ELMOD1: variants seen among roughly 807,000 people sequenced by gnomAD.
ELMOD1 encodes ELMO domain-containing protein 1.
ELMOD1 carries 21 observed loss-of-function variants against 46.7 expected under a neutral mutation model. That is an observed-to-expected ratio of 0.45 (90% CI 0.32 to 0.65). ELMOD1 has a LOEUF of 0.65. Among genes scored for constraint, ELMOD1 ranks in the 30% least tolerant of loss-of-function variants. The pLI is 0.04. For synonymous variants in ELMOD1, 122 were observed against 138.2 expected (o/e 0.88, Z 0.82); for missense variants, 348 against 407.8 (o/e 0.85, Z 1.26).
rs1183575611 is a variant in ELMOD1 at position 107,608,660 on chromosome 11, A to AT, written c.-85-9441dup. ...GTAAAGAATAATATAAAACTCATGTATTTTCGCTCCATTGTATAATTTCTT... is the reference window on the plus strand; with the variant it reads ...GTAAAGAATAATATAAAACTCATGTATTTTTCGCTCCATTGTATAATTTCTT... On this transcript the variant is annotated intron_variant, in intron 1 of 11. Transcript: ENST00000265840. Among the ~76,000 whole-genome samples, 3 of 152,142 alleles carry AT rather than the reference A, an allele frequency of 2.0e-5. No homozygotes were observed. In the East Asian group the frequency reaches 5.8e-4, roughly 29 times the overall value.
intron 2 of ELMOD1, among the ~76,000 whole-genome samples, chr11:107,628,524 A>T (rs545007886): frequency 1.3e-5 from 2 of 151,192 alleles, no homozygotes; most frequent in African/African-American, 4.8e-5. Context: ...ATTTATTTTT[A>T]GGGCTACTGG....
intron 1 of ELMOD1, chr11:107,591,838 G>T: frequency 2.1e-6 from 1 of 474,674 alleles, no homozygotes. Flanking sequence ...TGTGGGCTTC[G>T]GTCTCCAGGG....
At chr11:107,638,239 A>C (rs940263576) in intron 6 of ELMOD1, among the ~76,000 whole-genome samples, 2 of 152,204 alleles carry the variant, frequency 1.3e-5, no homozygotes, top group Non-Finnish European at 2.9e-5. Context: ...AGGAGTGGGA[A>C]TCTTTGTTCT....
At position 107,612,922 on chromosome 11, in the gene ELMOD1, G is replaced by A. The variant is rs754477825; in HGVS notation, c.-85-5183G>A. Among the ~76,000 whole-genome samples, 35 of 152,114 alleles carry A rather than the reference G, an allele frequency of 2.3e-4. 1 individual carries two copies. The highest frequency in any genetic ancestry group is 4.3e-4 in the Non-Finnish European group (29 of 68,018). The stretch of plus-strand genomic sequence containing the variant: ...CCATTTTTGGTGTTTCCTGTTTGGG[G>A]GACAGATAATGAGATCTAATTGTTA... On this transcript the variant is annotated intron_variant, in intron 1 of 11. Coordinates refer to ENST00000265840, the MANE Select transcript of ELMOD1 (RefSeq NM_018712.4).
intron 2 of ELMOD1, among the ~76,000 whole-genome samples, chr11:107,624,381 C>T (rs1323209879): frequency 2.6e-5 from 4 of 152,138 alleles, no homozygotes; most frequent in Non-Finnish European, 4.4e-5. Context: ...CCAGGCACGG[C>T]GGCTCATGCC....
intron 7 of ELMOD1, among the ~76,000 whole-genome samples, chr11:107,649,646 A>G (rs1866491426): frequency 6.6e-6 from 1 of 152,156 alleles, no homozygotes; most frequent in Admixed American, 6.5e-5. Context: ...TGGGTTTGAA[A>G]TTTCCTGAGA....
At chr11:107,601,993 C>T (rs1865608017) in intron 1 of ELMOD1, among the ~76,000 whole-genome samples, 1 of 152,172 alleles carries the variant, frequency 6.6e-6, no homozygotes, top group African/African-American at 2.4e-5. Context: ...CAATGTCTTT[C>T]TCACTCTCCA....
chr11:107,621,980 T>C (rs910303232), intron 2 of ELMOD1, among the ~76,000 whole-genome samples: 1 of 152,102 alleles, frequency 6.6e-6, no homozygotes, highest in African/African-American at 2.4e-5. Context: ...TGAGCCGAGA[T>C]CACGCCACTG....
intron 7 of ELMOD1, among the ~76,000 whole-genome samples, chr11:107,649,079 TA>T (rs776042676): frequency 2.4e-4 from 37 of 152,210 alleles, no homozygotes; most frequent in Non-Finnish European, 4.6e-4. Context: ...CCCATTCTTT[TA>T]TGAAACATTT....
intron 6 of ELMOD1, among the ~76,000 whole-genome samples, chr11:107,637,036 G>T (rs1052426261): frequency 6.6e-6 from 1 of 152,234 alleles, no homozygotes; most frequent in Non-Finnish European, 1.5e-5. Context: ...ACCATCTTTA[G>T]CTGATCCATT....
At chr11:107,654,884 C>T (rs886496817) in intron 10 of ELMOD1, among the ~76,000 whole-genome samples, 2 of 151,474 alleles carry the variant, frequency 1.3e-5, no homozygotes, top group African/African-American at 4.8e-5. Context: ...CCATATTATC[C>T]AAAAATATTT....
intron 2 of ELMOD1, among the ~76,000 whole-genome samples, chr11:107,627,615 T>C (rs963988759): frequency 2.6e-5 from 4 of 152,214 alleles, no homozygotes; most frequent in African/African-American, 7.2e-5. Flanking sequence ...TAGGTAACTC[T>C]ATATATGGAC....
chr11:107,608,018 T>TAAAAAAAAAA (rs34472766), intron 1 of ELMOD1, among the ~76,000 whole-genome samples: 2 of 83,448 alleles, frequency 2.4e-5, no homozygotes, highest in East Asian at 3.6e-4. Flanking sequence ...TCATTAGTGC[T>TAAAAAAAAAA]AAAAAAAAAA....
rs1361720976 is a variant in ELMOD1 at position 107,624,721 on chromosome 11, G to C, written c.18-5696G>C. Among the ~76,000 whole-genome samples, 3 of 152,098 alleles carry C rather than the reference G, an allele frequency of 2.0e-5. No individual in the cohort carries two copies. The South Asian group carries it at 6.2e-4, about 32-fold the overall frequency. The stretch of plus-strand genomic sequence containing the variant: ...GTTGTTAGTAAATTAAGAGAAACCT[G>C]TACCTCCTTTTCTTTGAAAGGAAAG... On this transcript the variant is annotated intron_variant, in intron 2 of 11. Transcript: ENST00000265840.
At chr11:107,595,190 CAT>C (rs1865472544) in intron 1 of ELMOD1, among the ~76,000 whole-genome samples, 1 of 151,224 alleles carries the variant, frequency 6.6e-6, no homozygotes, top group Non-Finnish European at 1.5e-5. Flanking sequence ...AGAAGAGCCT[CAT>C]GTGTTTGAGT....
chr11:107,660,175 G>A (rs1439230669), intron 11 of ELMOD1, among the ~76,000 whole-genome samples: 1 of 152,108 alleles, frequency 6.6e-6, no homozygotes, highest in African/African-American at 2.4e-5. Context: ...CTGTGTCCTT[G>A]CATATGTCTC....
intron 1 of ELMOD1, among the ~76,000 whole-genome samples, chr11:107,602,048 G>A (rs1195312937): frequency 6.6e-6 from 1 of 152,102 alleles, no homozygotes; most frequent in East Asian, 1.9e-4. Flanking sequence ...TCCAGAAAAG[G>A]CATACTTGAA....
At chr11:107,616,966 G>GA (rs1475913699) in intron 1 of ELMOD1, among the ~76,000 whole-genome samples, 4 of 152,080 alleles carry the variant, frequency 2.6e-5, no homozygotes, top group Non-Finnish European at 5.9e-5. Flanking sequence ...GATTCATTTA[G>GA]AAAAAACACA....
At position 107,665,277 on chromosome 11, in the gene ELMOD1, G is replaced by T. The variant is rs367624411; in HGVS notation, c.*80G>T. On this transcript the variant is annotated 3_prime_UTR_variant, in exon 12 of 12. Coordinates refer to ENST00000265840, the MANE Select transcript of ELMOD1 (RefSeq NM_018712.4). ...GATCTCTGCTTAGGTCGCAGCTCAC[G>T]CATTGAATGCACACAGTGATTGTAT... 1.7e-5 allele frequency: 23 copies of T among 1,384,322 alleles called. No individual in the cohort carries two copies. Among genetic ancestry groups the T allele is most frequent in the South Asian group, 5.3e-5 (4 of 75,884 alleles). The allele number at this position is 1,384,322 out of a possible 1,614,324, so 85.8% of individuals were successfully genotyped here.
Sources: gnomAD v4.1 joint callset for allele counts (sites outside exome capture counted in the v4.1 genomes callset) on GRCh38, gnomAD v4.1.1 for gene constraint, MANE v1.5 for transcripts, NCBI Gene and HGNC (gene_info 2026-07-23, HGNC 2026-07-21) for gene names.